The following INPP4B variants were observed in gnomAD, a reference collection of about 807,000 sequenced individuals.
The protein encoded by INPP4B is inositol polyphosphate-4-phosphatase type II B, also known as inositol polyphosphate 4-phosphatase type II.
Under a neutral mutation model 122.5 loss-of-function variants are expected in INPP4B, and 55 were observed. That is an observed-to-expected ratio of 0.45 (90% CI 0.36 to 0.56). The LOEUF (loss-of-function observed/expected upper bound fraction) is 0.56. INPP4B is among the 20% of genes least tolerant of loss of function. The pLI is 0.00. For synonymous variants in INPP4B, 403 were observed against 388.7 expected, an observed-to-expected ratio of 1.04 and a Z score of -0.43; for missense variants, 1,000 against 1,097.7, an observed-to-expected ratio of 0.91 and a Z score of 1.26.
At chr4:142,521,497 A>G (rs1042250905) in intron 2 of INPP4B, among the ~76,000 whole-genome samples, 3 of 151,998 alleles carry the variant, frequency 2.0e-5, no homozygotes, top group Non-Finnish European at 4.4e-5. Context: ...GAAGAGAAAA[A>G]ACTACAACAA....
intron 23 of INPP4B, among the ~76,000 whole-genome samples, chr4:142,097,256 T>TTTTA (rs1782324858): frequency 6.6e-6 from 1 of 150,696 alleles, no homozygotes. Context: ...TTTTATTTTA[T>TTTTA]TTTATTTTAT....
At chr4:142,503,208 A>C (rs558413557) in intron 2 of INPP4B, among the ~76,000 whole-genome samples, 356 of 152,280 alleles carry the variant, frequency 2.3e-3, no homozygotes, top group Non-Finnish European at 3.5e-3. Flanking sequence ...AAATCTCAAA[A>C]TGAGGGAAGA....
intron 2 of INPP4B, chr4:142,514,646 T>G (rs1825175660): frequency 6.6e-6 from 1 of 152,082 alleles, no homozygotes; most frequent in Admixed American, 6.6e-5. Flanking sequence ...TTCAATTTTC[T>G]TATCACAATA....
intron 5 of INPP4B, chr4:142,427,562 T>C (rs947081668): frequency 2.5e-5 from 13 of 521,874 alleles, no homozygotes; most frequent in African/African-American, 4.0e-5. Context: ...TTGAACAAGA[T>C]AGATTCTCTT....
intron 7 of INPP4B, among the ~76,000 whole-genome samples, chr4:142,367,206 G>GTGTGTGTC (rs765393730): frequency 4.6e-5 from 7 of 151,688 alleles, no homozygotes; most frequent in Non-Finnish European, 1.0e-4. Flanking sequence ...GTGTGTGTGT[G>GTGTGTGTC]TGTGTGTGTG....
rs573144903 is a variant in INPP4B, at chr4:142,738,052, A to G, written c.-253-12151T>C. On this transcript the variant is annotated intron_variant, in intron 1 of 25. Coordinates refer to ENST00000262992, the MANE Select transcript of INPP4B (RefSeq NM_001101669.3). ...CAACCATTGTGGAAGTCAGTGTGGC[A>G]ATTCCTCAGGGATCTAGAACTAGAA... 2.6e-3 allele frequency among the ~76,000 whole-genome samples: 395 copies of G among 152,206 alleles called. 5 individuals carry two copies. The highest frequency in any genetic ancestry group is 0.018 in the East Asian group (95 of 5,162).
rs1754856473 is a variant in INPP4B, at chr4:142,659,920, T to C, written c.-191+65919A>G. The stretch of plus-strand genomic sequence containing the variant: ...AGATACAGTTTTGTCCCAGACTCAA[T>C]TCTAAGCTTTGGTTCAAAGCCCTAG... On this transcript the variant is annotated intron_variant, in intron 2 of 25. Transcript: ENST00000262992. 1.5e-5 allele frequency among the ~76,000 whole-genome samples: 2 copies of C among 129,206 alleles called. 1 individual carries two copies. The highest frequency in any genetic ancestry group is 5.6e-4 in the South Asian group (2 of 3,552). 84.8% of individuals were successfully genotyped at this position (129,206 alleles called of 152,430 possible).
At chr4:142,415,905 A>G (rs1306185330) in intron 5 of INPP4B, among the ~76,000 whole-genome samples, 1 of 152,046 alleles carries the variant, frequency 6.6e-6, no homozygotes, top group Non-Finnish European at 1.5e-5. Flanking sequence ...TCACAAGGAC[A>G]AAAAACCGAA....
Position 142,023,485 on chromosome 4 carries a change from C to T in INPP4B, c.*5297G>A, listed in dbSNP as rs983317216. The T allele has an allele frequency of 2.6e-5, 4 of 151,852 alleles. No individual in the cohort carries two copies. The allele number at this position is 151,852 out of a possible 1,614,324, so 9.4% of individuals were successfully genotyped here. A position where few individuals can be genotyped will look rare whatever the true frequency, so the allele number is the denominator to read the frequency against. ...TATGTATGCAGTGAAATGAGAGTGC[C>T]CATACAGTTATATGCAAACTTTTGA... On this transcript the variant is annotated 3_prime_UTR_variant, in exon 26 of 26. Coordinates refer to ENST00000262992, the MANE Select transcript of INPP4B (RefSeq NM_001101669.3).
chr4:142,083,535 ACAAAGGT>A (rs1775215384), intron 24 of INPP4B, among the ~76,000 whole-genome samples: 2 of 152,194 alleles, frequency 1.3e-5, no homozygotes, highest in Admixed American at 1.3e-4. Flanking sequence ...ATGTGATATA[ACAAAGGT>A]CTTCTTTATT....
At chr4:142,397,700 A>G (rs10006971) in intron 7 of INPP4B, among the ~76,000 whole-genome samples, 80,498 of 151,590 alleles carry the variant, frequency 0.53, 24,011 homozygotes, top group South Asian at 0.78. Flanking sequence ...TTAGCCGGGC[A>G]TGATGGCGGG....
intron 9 of INPP4B, among the ~76,000 whole-genome samples, chr4:142,294,257 G>A (rs1030988444): frequency 6.6e-6 from 1 of 152,142 alleles, no homozygotes; most frequent in Non-Finnish European, 1.5e-5. Flanking sequence ...AAAAAATGAT[G>A]ACCTTCTAAT....
At chr4:142,806,002 C>T (rs1778628668) in intron 1 of INPP4B, among the ~76,000 whole-genome samples, 1 of 151,980 alleles carries the variant, frequency 6.6e-6, no homozygotes, top group South Asian at 2.1e-4. Context: ...AAAAAGAGGC[C>T]GGGTGCAGTA....
intron 23 of INPP4B, among the ~76,000 whole-genome samples, chr4:142,099,775 T>G (rs938678542): frequency 6.6e-6 from 1 of 152,178 alleles, no homozygotes; most frequent in Non-Finnish European, 1.5e-5. Context: ...TATGTTTTGC[T>G]TAGGTCATTC....
intron 17 of INPP4B, among the ~76,000 whole-genome samples, chr4:142,148,345 G>T (rs914180120): frequency 6.6e-6 from 1 of 152,086 alleles, no homozygotes; most frequent in African/African-American, 2.4e-5. Flanking sequence ...CTCCCAAGTA[G>T]CTGGGACCAC....
At chr4:142,547,184 A>G (rs1829740419) in intron 2 of INPP4B, among the ~76,000 whole-genome samples, 1 of 151,928 alleles carries the variant, frequency 6.6e-6, no homozygotes, top group Non-Finnish European at 1.5e-5. Flanking sequence ...AAGGTTGCAA[A>G]AAGCTAGACA....
chr4:142,416,038 G>A (rs1449046952), intron 5 of INPP4B, among the ~76,000 whole-genome samples: 2 of 151,970 alleles, frequency 1.3e-5, no homozygotes, highest in African/African-American at 4.8e-5. Flanking sequence ...AGCATTAGGA[G>A]ATATACCTAA....
At chr4:142,660,191 T>A (rs1754911994) in intron 2 of INPP4B, among the ~76,000 whole-genome samples, 1 of 151,900 alleles carries the variant, frequency 6.6e-6, no homozygotes, top group Non-Finnish European at 1.5e-5. Context: ...CCCCTCCCCA[T>A]CCCCCACTTC....
At chr4:142,413,203 A>G (rs940142157) in intron 5 of INPP4B, among the ~76,000 whole-genome samples, 7 of 152,286 alleles carry the variant, frequency 4.6e-5, no homozygotes, top group Admixed American at 2.6e-4. Context: ...CTTTTAAGGC[A>G]CTAAGTTCTA....
Sources: allele counts gnomAD v4.1 joint callset (sites outside exome capture counted in the v4.1 genomes callset), GRCh38; gene constraint gnomAD v4.1.1; transcripts MANE v1.5; gene names NCBI Gene and HGNC (gene_info 2026-07-23, HGNC 2026-07-21).